FMN2: variants seen among roughly 807,000 people sequenced by gnomAD.
FMN2 encodes the protein formin-2.
Under a neutral mutation model 142.3 loss-of-function variants are expected in FMN2, and 51 were observed. That is an observed-to-expected ratio of 0.36 (90% CI 0.29 to 0.45). The LOEUF is 0.45. Among genes scored for constraint, FMN2 ranks in the 20% least tolerant of loss-of-function variants. FMN2 has a pLI of 1.00. For missense variants in FMN2, 1,936 were observed against 2,122.8 expected, an observed-to-expected ratio of 0.91 and a Z score of 1.73; for synonymous variants, 882 against 869.8, an observed-to-expected ratio of 1.01 and a Z score of -0.25.
chr1:240,188,325 G>T, intron 4 of FMN2, 63 bp downstream of exon 4: 1 of 1,552,214 alleles, frequency 6.4e-7, no homozygotes, highest in South Asian at 1.1e-5. Context: ...GATTGTGACA[G>T]ACTCTGCGAT....
chr1:240,434,856 G>GTTTT (rs58393858), intron 15 of FMN2, among the ~76,000 whole-genome samples: 2 of 144,980 alleles, frequency 1.4e-5, no homozygotes, highest in South Asian at 2.2e-4. Flanking sequence ...CAGGCTGCTT[G>GTTTT]TTTTTTTTTT....
intron 4 of FMN2, among the ~76,000 whole-genome samples, chr1:240,190,160 C>G (rs1572040542): frequency 6.6e-6 from 1 of 152,046 alleles, no homozygotes; most frequent in Non-Finnish European, 1.5e-5. Flanking sequence ...AGCAGAAAAC[C>G]TAATGGAGTA....
intron 6 of FMN2, among the ~76,000 whole-genome samples, chr1:240,243,774 A>G (rs1667990899): frequency 6.6e-6 from 1 of 152,216 alleles, no homozygotes; most frequent in Admixed American, 6.5e-5. Context: ...ATTTAGGCAA[A>G]GACATGTCCT....
rs532928486 is a variant in FMN2, at chr1:240,207,340, A to G, written c.2528A>G (p.His843Arg). The G allele has an allele frequency of 6.7e-5, 108 of 1,613,410 alleles. No homozygotes were observed. In the South Asian group the frequency reaches 1.2e-3, roughly 17 times the overall value. ...ACCGAGTTTCAAACCAGCCACGAACACTCTGTTTCCTCTGCCTTTAAAAAC... is the reference window on the plus strand; with the variant it reads ...ACCGAGTTTCAAACCAGCCACGAACGCTCTGTTTCCTCTGCCTTTAAAAAC... ...ISTEFQTSHE[H>R]SVSSAFKNSC... The change falls in exon 5 of 18, where the codon CAC (histidine) becomes CGC (arginine). Residue 843 changes from histidine (H) to arginine (R), a missense_variant. Around this residue, in one of 8 missense-constraint regions of FMN2, gnomAD observed 478 missense variants for 462.8 expected, o/e 1.03. Coordinates refer to ENST00000319653, the MANE Select transcript of FMN2 (RefSeq NM_020066.5).
chr1:240,248,089 A>G (rs1485107528), intron 6 of FMN2, among the ~76,000 whole-genome samples: 1 of 149,164 alleles, frequency 6.7e-6, no homozygotes, highest in Non-Finnish European at 1.5e-5. Context: ...TCTCCTCATC[A>G]CCTCCCCCTC....
At chr1:240,450,851 A>C (rs1350132592) in intron 16 of FMN2, among the ~76,000 whole-genome samples, 1 of 152,174 alleles carries the variant, frequency 6.6e-6, no homozygotes, top group Non-Finnish European at 1.5e-5. Flanking sequence ...TTCTGCCTTT[A>C]CAGAAAGGGC....
chr1:240,142,217 G>A (rs573826756), intron 2 of FMN2, among the ~76,000 whole-genome samples: 2 of 152,158 alleles, frequency 1.3e-5, no homozygotes, highest in East Asian at 3.9e-4. Flanking sequence ...GTCCCAGTTA[G>A]GCTATATTGA....
At chr1:240,336,599 T>C (rs1337707310) in intron 13 of FMN2, among the ~76,000 whole-genome samples, 3 of 150,020 alleles carry the variant, frequency 2.0e-5, no homozygotes, top group African/African-American at 7.4e-5. Flanking sequence ...TGCAATTGTT[T>C]TCCCATTTAT....
intron 16 of FMN2, among the ~76,000 whole-genome samples, chr1:240,461,982 C>T (rs1426011455): frequency 2.0e-5 from 3 of 152,174 alleles, no homozygotes; most frequent in African/African-American, 7.2e-5. Context: ...CAGATTAAAA[C>T]AATATCTATA....
chr1:240,295,087 T>A (rs963786046), intron 8 of FMN2, among the ~76,000 whole-genome samples: 4 of 151,982 alleles, frequency 2.6e-5, no homozygotes, highest in African/African-American at 9.7e-5. Flanking sequence ...AAATTGTGAA[T>A]CAAATCATAT....
intron 2 of FMN2, chr1:240,145,340 T>C: frequency 1.1e-6 from 1 of 901,616 alleles, no homozygotes; most frequent in Non-Finnish European, 1.6e-6. Context: ...CTGCTGGGAC[T>C]GCACCAGCGT....
intron 8 of FMN2, among the ~76,000 whole-genome samples, chr1:240,313,558 A>G (rs1670664630): frequency 6.6e-6 from 1 of 152,196 alleles, no homozygotes; most frequent in African/African-American, 2.4e-5. Context: ...AGTCAACAGT[A>G]AATTTGAAGT....
At chr1:240,328,950 A>G (rs1671288171) in intron 8 of FMN2, 126 bp from the exon 9 acceptor site, 1 of 818,624 alleles carries the variant, frequency 1.2e-6, no homozygotes, top group Admixed American at 2.7e-5. Context: ...ACAGATGCTA[A>G]GAAACATGAA....
intron 14 of FMN2, among the ~76,000 whole-genome samples, chr1:240,386,709 C>G (rs1302772205): frequency 1.3e-5 from 2 of 152,060 alleles, no homozygotes; most frequent in African/African-American, 4.8e-5. Context: ...ATATTAGTGC[C>G]GTTGGAGAAG....
intron 7 of FMN2, among the ~76,000 whole-genome samples, chr1:240,279,588 A>C (rs760738787): frequency 6.6e-6 from 1 of 152,156 alleles, no homozygotes; most frequent in Non-Finnish European, 1.5e-5. Context: ...TAGAACTCAA[A>C]AATGTGAGTG....
At chr1:240,274,101 C>T (rs1404172759) in intron 7 of FMN2, among the ~76,000 whole-genome samples, 6 of 151,896 alleles carry the variant, frequency 4.0e-5, no homozygotes, top group African/African-American at 1.5e-4. Context: ...AACTGTTTGC[C>T]TACTCTCTGC....
intron 4 of FMN2, among the ~76,000 whole-genome samples, chr1:240,200,834 C>CA (rs1267283251): frequency 1.3e-5 from 2 of 152,070 alleles, no homozygotes; most frequent in African/African-American, 2.4e-5. Flanking sequence ...ATGATCTGTA[C>CA]AAAAAAGTTC....
intron 6 of FMN2, among the ~76,000 whole-genome samples, chr1:240,223,280 G>C (rs1172110953): frequency 6.6e-6 from 1 of 152,060 alleles, no homozygotes; most frequent in Non-Finnish European, 1.5e-5. Context: ...TATGTGATGG[G>C]TTACGTTTTT....
Position 240,297,293 on chromosome 1 carries a change from T to C in FMN2, c.4215+2410T>C, listed in dbSNP as rs368528435. The stretch of plus-strand genomic sequence containing the variant: ...AGAACATTGAATGTTTATTTTATGA[T>C]GGTTTAGAATATTTTATTTGGGCTG... On this transcript the variant is annotated intron_variant, in intron 8 of 17. Coordinates refer to ENST00000319653, the MANE Select transcript of FMN2 (RefSeq NM_020066.5). Among the ~76,000 whole-genome samples the C allele has an allele frequency of 2.8e-3, 426 of 152,252 alleles. 2 individuals are homozygous for C. The highest frequency in any genetic ancestry group is 0.017 in the South Asian group (82 of 4,814).
Sources: gnomAD v4.1 joint callset for allele counts (sites outside exome capture counted in the v4.1 genomes callset) on GRCh38, gnomAD v4.1.1 for gene constraint, gnomAD v4.1.1 regional missense constraint, MANE v1.5 for transcripts, NCBI Gene and HGNC (gene_info 2026-07-23, HGNC 2026-07-21) for gene names.